Variants in COPS9 observed in about 807,000 individuals in gnomAD.
COPS9 encodes COP9 signalosome complex subunit 9.
Under a neutral mutation model 7.2 loss-of-function variants are expected in COPS9, and 8 were observed. The ratio of observed to expected loss-of-function variants is 1.11; its 90% CI spans 0.65 to 2.00. The LOEUF (loss-of-function observed/expected upper bound fraction) is 2.00. Ranked by LOEUF, COPS9 falls within the 30% of genes most tolerant of loss-of-function variation. The pLI, the probability that COPS9 is intolerant of heterozygous loss-of-function variation, is 0.00. For synonymous variants in COPS9, 39 were observed against 28.7 expected (o/e 1.36, Z -1.14); for missense variants, 74 against 77.7 (o/e 0.95, Z 0.18).
downstream of COPS9, among the ~76,000 whole-genome samples, chr2:240,130,215 C>T (rs1271995207): frequency 6.6e-6 from 1 of 152,232 alleles, no homozygotes; most frequent in Admixed American, 6.5e-5. Context: ...GTAGCGGGGG[C>T]AGCAGGTCCC....
intron 2 of COPS9, among the ~76,000 whole-genome samples, chr2:240,131,704 T>C (rs2071924899): frequency 6.6e-6 from 1 of 152,144 alleles, no homozygotes; most frequent in Admixed American, 6.5e-5. Flanking sequence ...CCAGGAAAGA[T>C]TTTGTCCTTC....
chr2:240,130,919 C>T lies in COPS9; in HGVS notation c.*132G>A. Reference sequence around the variant, plus strand: ...TCTAGGTCGTTAAGAACAGTCTTATCTTTCTGGTTAACCAGGTCCTAAATT... The same window carrying T: ...TCTAGGTCGTTAAGAACAGTCTTATTTTTCTGGTTAACCAGGTCCTAAATT... On this transcript the variant is annotated 3_prime_UTR_variant, in exon 3 of 3. Coordinates refer to ENST00000607357, the MANE Select transcript of COPS9 (RefSeq NM_001163424.2). 2.7e-6 allele frequency: 4 copies of T among 1,478,302 alleles called. No homozygotes were observed. In the East Asian group the frequency reaches 9.9e-5, roughly 37 times the overall value. The allele number at this position is 1,478,302 out of a possible 1,614,324, so 91.6% of individuals were successfully genotyped here.
At chr2:240,130,221 G>A, downstream of COPS9, among the ~76,000 whole-genome samples, 1 of 152,224 alleles carries the variant, frequency 6.6e-6, no homozygotes, top group East Asian at 1.9e-4. Context: ...GGGGCAGCAG[G>A]TCCCTCCACT....
At chr2:240,130,008 G>C (rs568399162), downstream of COPS9, 14 of 1,613,604 alleles carry the variant, frequency 8.7e-6, no homozygotes, top group East Asian at 2.2e-5. Context: ...CTGCTGGCTT[G>C]TCCTGGGCAG....
intron 2 of COPS9, among the ~76,000 whole-genome samples, chr2:240,133,140 G>T (rs1406480242): frequency 6.6e-6 from 1 of 152,220 alleles, no homozygotes; most frequent in Non-Finnish European, 1.5e-5. Flanking sequence ...TCAGGTCCTA[G>T]CTGTTAACTA....
At chr2:240,127,362 GTCTC>G (rs578134889), downstream of COPS9, among the ~76,000 whole-genome samples, 2 of 149,620 alleles carry the variant, frequency 1.3e-5, no homozygotes, top group African/African-American at 2.5e-5. Context: ...CTGTTAACCA[GTCTC>G]TCTCTCTCTC....
chr2:240,134,547 A>T (rs1193840718), intron 1 of COPS9, among the ~76,000 whole-genome samples: 1 of 152,104 alleles, frequency 6.6e-6, no homozygotes, highest in Non-Finnish European at 1.5e-5. Context: ...AGCCCTCAGG[A>T]TTTTGGGTCC....
chr2:240,135,122 T>G (rs1286582873), intron 1 of COPS9, among the ~76,000 whole-genome samples: 1 of 151,034 alleles, frequency 6.6e-6, no homozygotes, highest in Non-Finnish European at 1.5e-5. Flanking sequence ...AGGGAGAGAG[T>G]CCCTACCCAC....
chr2:240,132,888 T>C lies in COPS9; in HGVS notation c.136+1045A>G, dbSNP rs2071936733. On this transcript the variant is annotated intron_variant, in intron 2 of 2. Coordinates refer to ENST00000607357, the MANE Select transcript of COPS9 (RefSeq NM_001163424.2). The surrounding 1 kb of genome is among the most constrained non-coding windows in gnomAD (Gnocchi z 4.1). ...CTCGCTCTGGCATAAAGAATTGAAA[T>C]AAATGCTATTCAGTTCTCCAGGCTC... Among the ~76,000 whole-genome samples, 2 of 152,330 alleles carry C rather than the reference T, an allele frequency of 1.3e-5. No individual in the cohort carries two copies. The highest frequency in any genetic ancestry group is 4.1e-4 in the South Asian group (2 of 4,826).
At chr2:240,131,219 T>C (rs2071918978) in intron 2 of COPS9, 131 bp from the exon 3 acceptor site, 1 of 1,108,940 alleles carries the variant, frequency 9.0e-7, no homozygotes, top group Non-Finnish European at 1.3e-6. Flanking sequence ...TAAAAGACTT[T>C]TCCCGTAACA....
intron 1 of COPS9, among the ~76,000 whole-genome samples, chr2:240,135,625 G>A (rs2071969125): frequency 6.6e-6 from 1 of 152,136 alleles, no homozygotes; most frequent in Non-Finnish European, 1.5e-5. Context: ...AAAACCCCAA[G>A]ACGACTGTAT....
intron 1 of COPS9, among the ~76,000 whole-genome samples, chr2:240,134,920 A>T (rs1389687179): frequency 1.3e-5 from 2 of 151,910 alleles, no homozygotes; most frequent in Admixed American, 6.5e-5. Flanking sequence ...AAATGCTGCC[A>T]CCCTACAGAG....
chr2:240,133,107 A>C (rs553004429), intron 2 of COPS9, among the ~76,000 whole-genome samples: 3 of 152,314 alleles, frequency 2.0e-5, no homozygotes, highest in Admixed American at 6.5e-5. Context: ...GTCTCTGGTA[A>C]ATTAGAAACC....
downstream of COPS9, chr2:240,129,829 A>C: frequency 8.0e-7 from 1 of 1,249,168 alleles, no homozygotes; most frequent in Non-Finnish European, 1.1e-6. Context: ...GCCTGCAGAT[A>C]AGCCACGTGG....
At chr2:240,127,326 T>C (rs2071876868), downstream of COPS9, among the ~76,000 whole-genome samples, 1 of 150,624 alleles carries the variant, frequency 6.6e-6, no homozygotes. Context: ...CAGAGGCAGT[T>C]AGGCTTAGGT....
intron 2 of COPS9, 151 bp from the exon 3 acceptor site, chr2:240,131,239 T>G (rs1296576426): frequency 1.1e-6 from 1 of 951,826 alleles, no homozygotes; most frequent in African/African-American, 1.6e-5. Flanking sequence ...AGACTTTCAG[T>G]TTCAGCCAAC....
At chr2:240,126,693 A>C (rs1574944283), downstream of COPS9, 3 of 1,613,826 alleles carry the variant, frequency 1.9e-6, no homozygotes, top group Admixed American at 5.0e-5. Context: ...GTCTTCGCTG[A>C]CCTCTCGCCT....
Position 240,132,438 on chromosome 2 carries a change from G to C in COPS9, c.137-1350C>G, listed in dbSNP as rs537409638. The stretch of plus-strand genomic sequence containing the variant: ...GGACAGTGAGTGCTTTGTGAACTTA[G>C]TGGGTGGGCAGGCAGGGGACACAGA... On this transcript the variant is annotated intron_variant, in intron 2 of 2. Transcript: ENST00000607357. The surrounding 1 kb of genome is among the most constrained non-coding windows in gnomAD (Gnocchi z 4.1). Among the ~76,000 whole-genome samples the C allele has an allele frequency of 2.0e-5, 3 of 152,296 alleles. No individual in the cohort carries two copies. The South Asian group carries it at 6.2e-4, about 32-fold the overall frequency.
At chr2:240,130,023 G>A (rs1318458003), downstream of COPS9, 1 of 1,612,062 alleles carries the variant, frequency 6.2e-7, no homozygotes, top group East Asian at 2.2e-5. Flanking sequence ...GGGCAGTCCT[G>A]AGCTGCTGAG....
Sources: gnomAD v4.1 joint callset for allele counts (sites outside exome capture counted in the v4.1 genomes callset) on GRCh38, gnomAD v4.1.1 for gene constraint, Gnocchi (gnomAD v3.1) non-coding constraint, MANE v1.5 for transcripts, NCBI Gene and HGNC (gene_info 2026-07-23, HGNC 2026-07-21) for gene names.